The following RICTOR variants were observed in gnomAD, a reference collection of about 807,000 sequenced individuals.
The protein encoded by RICTOR is RPTOR independent companion of MTOR complex 2.
In RICTOR, 49 loss-of-function variants were observed where a neutral mutation model predicts 214.9. That is an observed-to-expected ratio of 0.23 (90% confidence interval 0.18 to 0.29). The LOEUF is 0.29. Ranked by LOEUF, RICTOR falls within the 10% of genes least tolerant of loss-of-function variation. The probability of loss-of-function intolerance (pLI) is 1.00; values close to 1 mark genes in which losing one functional copy is unlikely to be tolerated. For synonymous variants in RICTOR, 717 were observed against 711.3 expected, an observed-to-expected ratio of 1.01 and a Z score of -0.13; for missense variants, 1,625 against 2,047.0, an observed-to-expected ratio of 0.79 and a Z score of 3.98.
At position 39,074,090 on chromosome 5, in the gene RICTOR, GC is replaced by G; in HGVS notation, c.97+20del. 1 of 1,495,614 alleles carries G rather than the reference GC, an allele frequency of 6.7e-7. No individual in the cohort carries two copies. The highest frequency in any genetic ancestry group is 9.0e-7 in the Non-Finnish European group (1 of 1,106,384). 92.6% of individuals were successfully genotyped at this position (1,495,614 alleles called of 1,614,324 possible). On this transcript the variant is annotated intron_variant, in intron 2 of 37. Coordinates refer to ENST00000357387, the MANE Select transcript of RICTOR (RefSeq NM_152756.5). ...CTCCCCAGCAGCGCGCCCTCGCGGC[GC>G]CCGCGGCGCCCCGCGTTACCTCGGG...
chr5:38,955,823 T>G (rs955141628), intron 25 of RICTOR, 119 bp from the exon 26 acceptor site: 1 of 637,862 alleles, frequency 1.6e-6, no homozygotes, highest in African/African-American at 1.8e-5. Flanking sequence ...AAATGTTCTA[T>G]CATATCCATA....
intron 2 of RICTOR, among the ~76,000 whole-genome samples, chr5:39,072,459 C>T (rs1759388204): frequency 6.6e-6 from 1 of 152,136 alleles, no homozygotes; most frequent in Non-Finnish European, 1.5e-5. Context: ...TATATATTTC[C>T]AGCACCACAT....
At chr5:39,018,819 T>C (rs774815210) in intron 3 of RICTOR, among the ~76,000 whole-genome samples, 4 of 152,130 alleles carry the variant, frequency 2.6e-5, no homozygotes, top group Non-Finnish European at 5.9e-5. Flanking sequence ...CAACCATCTC[T>C]CACTTTAAAT....
At chr5:39,013,021 A>G (rs2150124051) in intron 3 of RICTOR, among the ~76,000 whole-genome samples, 1 of 152,306 alleles carries the variant, frequency 6.6e-6, no homozygotes, top group East Asian at 1.9e-4. Context: ...CTGAAAGAAA[A>G]CAGGAATGAA....
chr5:38,975,335 T>C (rs879114307), intron 10 of RICTOR, among the ~76,000 whole-genome samples: 29 of 152,196 alleles, frequency 1.9e-4, no homozygotes, highest in African/African-American at 6.5e-4. Context: ...CTGATCATAA[T>C]ATTAGCTAAT....
rs1294677040 is a variant in RICTOR at position 38,946,435 on chromosome 5, G to A, written c.4399+33C>T. Reference sequence around the variant, plus strand: ...AAGAGTTTTCTTTTTAATATAAAGAGGCATCTCACAAGTACAATGCACAAT... The same window carrying A: ...AAGAGTTTTCTTTTTAATATAAAGAAGCATCTCACAAGTACAATGCACAAT... On this transcript the variant is annotated intron_variant, in intron 33 of 37. Transcript: ENST00000357387. The A allele has an allele frequency of 2.3e-6, 3 of 1,298,310 alleles. No individual in the cohort carries two copies. The South Asian group carries it at 3.7e-5, about 16-fold the overall frequency. 80.4% of individuals were successfully genotyped at this position (1,298,310 alleles called of 1,614,324 possible).
In RICTOR at chr5:39,002,632, C is replaced by T; in HGVS notation, c.295G>A (p.Val99Met). Reference protein sequence around the residue: ...RLALLNEAKEVRAAGLRALRY... With the variant: ...RLALLNEAKEMRAAGLRALRY... Reference sequence around the variant, plus strand: ...AGCGCTCGTAGCCCTGCTGCTCGCACTTCTTTTGCTTCATTTAATAAAGCT... The same window carrying T: ...AGCGCTCGTAGCCCTGCTGCTCGCATTTCTTTTGCTTCATTTAATAAAGCT... The change falls in exon 5 of 38, where the codon GTG becomes ATG. Residue 99 changes from valine to methionine, a missense_variant. Transcript: ENST00000357387. 1 of 1,609,338 alleles carries T rather than the reference C, an allele frequency of 6.2e-7. No homozygotes were observed. Among genetic ancestry groups the T allele is most frequent in the Non-Finnish European group, 8.5e-7 (1 of 1,178,112 alleles).
chr5:38,942,619 TAA>T (rs368923211), intron 37 of RICTOR, among the ~76,000 whole-genome samples: 1 of 133,650 alleles, frequency 7.5e-6, no homozygotes, highest in Admixed American at 7.6e-5. Flanking sequence ...CTCGGCTAAT[TAA>T]AAAAAAAAAA....
intron 2 of RICTOR, among the ~76,000 whole-genome samples, chr5:39,068,635 A>G (rs1404414885): frequency 6.6e-6 from 1 of 152,232 alleles, no homozygotes; most frequent in East Asian, 1.9e-4. Flanking sequence ...CCTGGCAGGC[A>G]TACAGTAGAC....
At chr5:38,990,810 G>GATATATGAGATATATGAT in intron 7 of RICTOR, 139 bp downstream of exon 7, 1 of 127,134 alleles carries the variant, frequency 7.9e-6, no homozygotes, top group African/African-American at 8.4e-5. Context: ...ATATATATGA[G>GATATATGAGATATATGAT]ATATATGAGA....
chr5:38,987,940 T>C (rs1336428890), intron 7 of RICTOR, among the ~76,000 whole-genome samples: 1 of 152,196 alleles, frequency 6.6e-6, no homozygotes, highest in Non-Finnish European at 1.5e-5. Context: ...AACTTATTAA[T>C]TTCTGCTTTA....
chr5:38,981,779 G>C (rs917517614), intron 8 of RICTOR, 88 bp downstream of exon 8: 4 of 846,548 alleles, frequency 4.7e-6, no homozygotes, highest in Non-Finnish European at 7.4e-6. Flanking sequence ...TTAATGTGGT[G>C]CTGCATCTAT....
intron 3 of RICTOR, among the ~76,000 whole-genome samples, chr5:39,016,925 T>C (rs1310388520): frequency 6.6e-6 from 1 of 152,224 alleles, no homozygotes; most frequent in African/African-American, 2.4e-5. Flanking sequence ...TTTATACTAA[T>C]TACATCAAAT....
At chr5:38,954,730 T>C (rs759478279) in intron 27 of RICTOR, 44 bp downstream of exon 27, 1 of 1,182,582 alleles carries the variant, frequency 8.5e-7, no homozygotes, top group Non-Finnish European at 1.2e-6. Context: ...TTTGTTTTTT[T>C]TTTACTATTG....
At chr5:38,975,742 C>CCGGCGACCGCCG in intron 9 of RICTOR, 138 bp from the exon 10 acceptor site, 1 of 467,194 alleles carries the variant, frequency 2.1e-6, no homozygotes, top group Non-Finnish European at 3.7e-6. Context: ...AGACAAAGAT[C>CCGGCGACCGCCG]AGATCTACAC....
At chr5:38,990,715 T>TC (rs1752639434) in intron 7 of RICTOR, among the ~76,000 whole-genome samples, 1 of 124,022 alleles carries the variant, frequency 8.1e-6, no homozygotes, top group Non-Finnish European at 1.7e-5. Flanking sequence ...ATATGATATA[T>TC]ATGATATATA....
rs748891800 is a variant in RICTOR, at chr5:38,981,796, T to C, written c.753+71A>G. 1.0e-5 allele frequency: 11 copies of C among 1,049,394 alleles called. No homozygotes were observed. In the South Asian group the frequency reaches 1.5e-4, roughly 15 times the overall value. The allele number at this position is 1,049,394 out of a possible 1,614,324, so 65.0% of individuals were successfully genotyped here. A position where few individuals can be genotyped will look rare whatever the true frequency, so the allele number is the denominator to read the frequency against. ...AATGTGGTGCTGCATCTATAAAATT[T>C]AGTATTTCAAAGTAAAAGTATACAT... is the stretch of plus-strand genomic sequence containing the variant. On this transcript the variant is annotated intron_variant, in intron 8 of 37. Transcript: ENST00000357387.
At chr5:39,047,476 G>A (rs1446305023) in intron 2 of RICTOR, among the ~76,000 whole-genome samples, 12 of 152,256 alleles carry the variant, frequency 7.9e-5, no homozygotes, top group Admixed American at 1.3e-4. Flanking sequence ...AACAGGCCAC[G>A]GACTGGTACC....
At chr5:39,048,240 G>A (rs762814378) in intron 2 of RICTOR, among the ~76,000 whole-genome samples, 1 of 152,098 alleles carries the variant, frequency 6.6e-6, no homozygotes, top group Non-Finnish European at 1.5e-5. Context: ...TGGTCCAACT[G>A]TATATTTGTG....
Sources: gnomAD v4.1 joint callset for allele counts (sites outside exome capture counted in the v4.1 genomes callset) on GRCh38, gnomAD v4.1.1 for gene constraint, MANE v1.5 for transcripts, NCBI Gene and HGNC (gene_info 2026-07-23, HGNC 2026-07-21) for gene names.